Variants in TMEM116 observed in about 807,000 individuals in gnomAD.
TMEM116 encodes the protein transmembrane protein 116.
A neutral mutation model predicts 44.3 loss-of-function variants in TMEM116; 38 were observed. The observed-to-expected ratio is 0.86, with a 90% CI of 0.66 to 1.12. The LOEUF (loss-of-function observed/expected upper bound fraction) is 1.12, where lower values mean the gene tolerates loss of function less well. Ranked by LOEUF, TMEM116 falls within the 50% of genes most tolerant of loss-of-function variation. The probability of loss-of-function intolerance (pLI) is 0.00; values close to 1 mark genes in which losing one functional copy is unlikely to be tolerated. For missense variants in TMEM116, 354 were observed against 401.7 expected (o/e 0.88, Z 1.01); for synonymous variants, 132 against 144.8 (o/e 0.91, Z 0.64).
At chr12:111,982,528 T>G (rs2075996570) in intron 4 of TMEM116, among the ~76,000 whole-genome samples, 1 of 152,174 alleles carries the variant, frequency 6.6e-6, no homozygotes, top group African/African-American at 2.4e-5. Flanking sequence ...TGCGGACTCC[T>G]GAGCTCAGGC....
rs1264057751 is a variant in TMEM116, at chr12:111,970,617, C to T, written c.210+21141G>A. On this transcript the variant is annotated intron_variant, in intron 4 of 10. Transcript: ENST00000552374. Reference sequence around the variant, plus strand: ...TTTTTTTTTTTTTGAGACGGAGTCTCGCTCTGTCACCCAGGCTGGAGTGCA... The same window carrying T: ...TTTTTTTTTTTTTGAGACGGAGTCTTGCTCTGTCACCCAGGCTGGAGTGCA... 2.0e-5 allele frequency among the ~76,000 whole-genome samples: 3 copies of T among 146,572 alleles called. No individual in the cohort carries two copies. The East Asian group carries it at 6.0e-4, about 29-fold the overall frequency.
chr12:111,978,604 G>T (rs894773260), intron 4 of TMEM116: 1 of 230,016 alleles, frequency 4.3e-6, no homozygotes, highest in Non-Finnish European at 9.1e-6. Context: ...GCTCCTAAGG[G>T]TGGAGGCTTC....
In TMEM116 at chr12:112,013,135, G is replaced by A. The variant is rs970033821; in HGVS notation, c.-167C>T. ...TATAGCGTCCCCATGCGCACTTGGC[G>A]CTTCTCCTCAAGCGGAGCAGGAACG... is the stretch of plus-strand genomic sequence containing the variant. On this transcript the variant is annotated 5_prime_UTR_variant, in exon 1 of 11. Transcript: ENST00000552374. The A allele has an allele frequency of 2.6e-5, 8 of 309,732 alleles. No individual in the cohort carries two copies. Among genetic ancestry groups the A allele is most frequent in the Admixed American group, 5.1e-5 (1 of 19,776 alleles). 19.2% of individuals were successfully genotyped at this position (309,732 alleles called of 1,614,324 possible).
At chr12:111,946,558 G>A (rs1260764764) in intron 4 of TMEM116, among the ~76,000 whole-genome samples, 1 of 152,108 alleles carries the variant, frequency 6.6e-6, no homozygotes, top group Non-Finnish European at 1.5e-5. Context: ...TTCCACCCTG[G>A]GTGGGCCAGG....
At chr12:111,958,432 C>T (rs1005870834) in intron 4 of TMEM116, among the ~76,000 whole-genome samples, 6 of 152,038 alleles carry the variant, frequency 3.9e-5, no homozygotes, top group Non-Finnish European at 7.4e-5. Flanking sequence ...ACCAAAACAC[C>T]TCTTCTCCTC....
chr12:111,950,719 T>C (rs1259050866), intron 4 of TMEM116, among the ~76,000 whole-genome samples: 1 of 152,024 alleles, frequency 6.6e-6, no homozygotes, highest in African/African-American at 2.4e-5. Flanking sequence ...AACCCAAAAC[T>C]ATAAAAATCC....
intron 2 of TMEM116, 22 bp downstream of exon 2, chr12:112,005,233 TTA>T (rs2077515380): frequency 1.5e-6 from 2 of 1,368,814 alleles, no homozygotes; most frequent in East Asian, 6.1e-5. Flanking sequence ...ACTAGTTTAG[TTA>T]TATGAGATTA....
intron 10 of TMEM116, 64 bp downstream of exon 10, chr12:111,932,522 G>A (rs2071742647): frequency 7.5e-7 from 1 of 1,341,744 alleles, no homozygotes; most frequent in Non-Finnish European, 1.1e-6. Flanking sequence ...ACCGAGTAAA[G>A]GTAGTATAAG....
intron 4 of TMEM116, among the ~76,000 whole-genome samples, chr12:111,970,709 C>T (rs1465943500): frequency 1.3e-5 from 2 of 151,880 alleles, no homozygotes; most frequent in Non-Finnish European, 1.5e-5. Context: ...GCCTCAGCCT[C>T]CTGAGTAGCT....
intron 5 of TMEM116, among the ~76,000 whole-genome samples, chr12:111,940,581 A>ATATC (rs2072730650): frequency 6.8e-6 from 1 of 146,858 alleles, no homozygotes; most frequent in Admixed American, 7.0e-5. Flanking sequence ...ATATATATAT[A>ATATC]TATCTTCGGC....
intron 4 of TMEM116, among the ~76,000 whole-genome samples, chr12:111,945,377 A>C (rs904834390): frequency 1.3e-5 from 2 of 151,262 alleles, no homozygotes; most frequent in Non-Finnish European, 2.9e-5. Flanking sequence ...AAAGAAGAAG[A>C]AATAGGTAAT....
At chr12:111,955,708 T>C (rs907917290) in intron 4 of TMEM116, among the ~76,000 whole-genome samples, 3 of 152,158 alleles carry the variant, frequency 2.0e-5, no homozygotes, top group African/African-American at 7.2e-5. Context: ...AACATTTCGG[T>C]CAACAGCAGA....
intron 2 of TMEM116, among the ~76,000 whole-genome samples, chr12:112,004,502 G>A (rs933380042): frequency 1.3e-5 from 2 of 152,088 alleles, no homozygotes; most frequent in African/African-American, 2.4e-5. Context: ...GCCCAGGCTG[G>A]TCTCAAACTC....
chr12:112,005,189 G>T, intron 2 of TMEM116, 68 bp downstream of exon 2: 2 of 1,102,102 alleles, frequency 1.8e-6, no homozygotes, highest in South Asian at 3.6e-5. Context: ...AGGGGGAAAT[G>T]TGGAAAACTA....
chr12:111,996,700 A>G (rs11066119), intron 3 of TMEM116, among the ~76,000 whole-genome samples: 22,052 of 152,168 alleles, frequency 0.14, 2,031 homozygotes, highest in African/African-American at 0.26. Flanking sequence ...AAACATGTAC[A>G]AGAATGCTTA....
intron 3 of TMEM116, among the ~76,000 whole-genome samples, chr12:112,001,860 C>T (rs7316650): frequency 0.14 from 21,631 of 152,120 alleles, 1,925 homozygotes; most frequent in African/African-American, 0.25. Flanking sequence ...ACTTCAAAAT[C>T]CATTTTCATT....
In TMEM116 at chr12:111,931,615, G is replaced by A. The variant is rs1266312780; in HGVS notation, c.*6C>T. 1 of 1,612,666 alleles carries A rather than the reference G, an allele frequency of 6.2e-7. No homozygotes were observed. Among genetic ancestry groups the A allele is most frequent in the Admixed American group, 1.7e-5 (1 of 60,010 alleles). ...TCCAGTTCCTGGATGTTCCAGTATT[G>A]TAGTTTCAAAAAATGGTAGAAGTAC... is the stretch of plus-strand genomic sequence containing the variant. On this transcript the variant is annotated 3_prime_UTR_variant, in exon 11 of 11. Coordinates refer to ENST00000552374, the MANE Select transcript of TMEM116 (RefSeq NM_001193531.2).
intron 4 of TMEM116, among the ~76,000 whole-genome samples, chr12:111,977,691 A>C (rs2075742845): frequency 6.6e-6 from 1 of 152,152 alleles, no homozygotes; most frequent in African/African-American, 2.4e-5. Context: ...TAATAGTAAT[A>C]ATAGAAAAAA....
chr12:112,001,239 C>T (rs2077234846), intron 3 of TMEM116, among the ~76,000 whole-genome samples: 1 of 152,168 alleles, frequency 6.6e-6, no homozygotes, highest in African/African-American at 2.4e-5. Flanking sequence ...ACTGTTATGC[C>T]AGAAAGTCAC....
Sources: gnomAD v4.1 joint callset for allele counts (sites outside exome capture counted in the v4.1 genomes callset) on GRCh38, gnomAD v4.1.1 for gene constraint, MANE v1.5 for transcripts, NCBI Gene and HGNC (gene_info 2026-07-23, HGNC 2026-07-21) for gene names.